SEPTIN1: variants seen among roughly 807,000 people sequenced by gnomAD.
SEPTIN1 encodes septin-1.
SEPTIN1 carries 52 observed loss-of-function variants against 50.7 expected under a neutral mutation model. The observed-to-expected ratio is 1.03, with a 90% confidence interval of 0.82 to 1.29. SEPTIN1 has a LOEUF of 1.29. Among genes scored for constraint, SEPTIN1 ranks in the 50% most tolerant of loss-of-function variants. The probability of loss-of-function intolerance (pLI) is 0.00; values close to 1 mark genes in which losing one functional copy is unlikely to be tolerated. For synonymous variants in SEPTIN1, 204 were observed against 189.1 expected (o/e 1.08, Z -0.65); for missense variants, 455 against 490.7 (o/e 0.93, Z 0.69).
rs2049856287 is a variant in SEPTIN1 at position 30,382,028 on chromosome 16, G to A, written c.196+65C>T. ...CAGTCAACTACCTGAGTCCCCAGAT[G>A]GAAAAGACTAGGGTGTAACCTGGGG... On this transcript the variant is annotated intron_variant, in intron 3 of 10. Coordinates refer to ENST00000321367, the MANE Select transcript of SEPTIN1 (RefSeq NM_001365977.2). This position sits in a 1 kb window ranked among gnomAD's most constrained non-coding sequence, Gnocchi z 4.8. 6.3e-7 allele frequency: 1 copy of A among 1,594,288 alleles called. No homozygotes were observed. The highest frequency in any genetic ancestry group is 1.1e-5 in the South Asian group (1 of 89,918).
At position 30,378,311 on chromosome 16, in the gene SEPTIN1, C is replaced by T; in HGVS notation, c.*123G>A. 8 of 977,362 alleles carry T rather than the reference C, an allele frequency of 8.2e-6. No individual in the cohort carries two copies. In the South Asian group the frequency reaches 9.8e-5, roughly 12 times the overall value. 60.5% of individuals were successfully genotyped at this position (977,362 alleles called of 1,614,324 possible). On this transcript the variant is annotated 3_prime_UTR_variant, in exon 11 of 11. Transcript: ENST00000321367. ...CGGACTCAGGCTGGGAGAACCTCCC[C>T]CTAGCCCGCGCGAGGGCGGCACCCG...
At chr16:30,378,741 C>A (rs1372443398) in intron 9 of SEPTIN1, 41 bp from the exon 10 acceptor site, 2 of 1,579,300 alleles carry the variant, frequency 1.3e-6, no homozygotes, top group Non-Finnish European at 8.6e-7. Flanking sequence ...AGGAGCGGGA[C>A]CTGAGGTTGT....
Position 30,378,183 on chromosome 16 carries a change from A to AG in SEPTIN1, c.*250dup. Reference sequence around the variant, plus strand: ...ATTGAAGACAGAGTCTGGGAGAAGAAGGGGGACTCCGGAAGACAGTGATGC... The same window carrying AG: ...ATTGAAGACAGAGTCTGGGAGAAGAAGGGGGGACTCCGGAAGACAGTGATGC... On this transcript the variant is annotated 3_prime_UTR_variant, in exon 11 of 11. Coordinates refer to ENST00000321367, the MANE Select transcript of SEPTIN1 (RefSeq NM_001365977.2). 1 of 702,362 alleles carries AG rather than the reference A, an allele frequency of 1.4e-6. No individual in the cohort carries two copies. The highest frequency in any genetic ancestry group is 1.5e-5 in the South Asian group (1 of 66,196). The allele number at this position is 702,362 out of a possible 1,614,324, so 43.5% of individuals were successfully genotyped here. A position where few individuals can be genotyped will look rare whatever the true frequency, so the allele number is the denominator to read the frequency against.
chr16:30,380,450 C>T (rs1427038013), intron 6 of SEPTIN1: 1 of 158,926 alleles, frequency 6.3e-6, no homozygotes, highest in African/African-American at 2.4e-5. Context: ...TACAAGTGCA[C>T]ACCACCACAC....
upstream of SEPTIN1, chr16:30,382,725 G>C: frequency 6.5e-7 from 1 of 1,536,074 alleles, no homozygotes; most frequent in South Asian, 1.2e-5. This position sits in a 1 kb window ranked among gnomAD's most constrained non-coding sequence, Gnocchi z 4.8. Flanking sequence ...CCCATCACCT[G>C]TCTACGTACC....
rs369058437 is a variant in SEPTIN1 at position 30,382,539 on chromosome 16, C to T, written c.4G>A (p.Ala2Thr). 27 of 1,594,052 alleles carry T rather than the reference C, an allele frequency of 1.7e-5. No homozygotes were observed. Among genetic ancestry groups the T allele is most frequent in the African/African-American group, 2.7e-5 (2 of 74,724 alleles). Residue 2 changes from alanine (A) to threonine (T), a missense_variant, in exon 1 of 11, where the codon GCT becomes ACT. By Grantham distance (58) the Ala-to-Thr change is moderately conservative. Coordinates refer to ENST00000321367, the MANE Select transcript of SEPTIN1 (RefSeq NM_001365977.2). This position sits in a 1 kb window ranked among gnomAD's most constrained non-coding sequence, Gnocchi z 4.8. ...TAAGGACTCACCATGACTCCGCCAG[C>T]CATCACTGCACCTGCCGTCTCTCCC... MAGGVMDKEYVG... is the reference protein window; with the variant it reads MTGGVMDKEYVG...
chr16:30,378,794 T>C, intron 9 of SEPTIN1, 94 bp from the exon 10 acceptor site: 1 of 1,271,098 alleles, frequency 7.9e-7, no homozygotes, highest in Non-Finnish European at 1.1e-6. Flanking sequence ...GGTTGGGGTC[T>C]AGGAGGCGGA....
rs776548030 is a variant in SEPTIN1 at position 30,381,233 on chromosome 16, A to G, written c.467T>C (p.Leu156Pro). 26 of 1,613,908 alleles carry G rather than the reference A, an allele frequency of 1.6e-5. 1 individual carries two copies. In the African/African-American group the frequency reaches 3.5e-4, roughly 22 times the overall value. ...ISPFGRGLRP[L>P]DVAFLRAVHE... ...TACTGCCCGGAGGAAGGCCACATCT[A>G]GGGGCCGGAGCCTGCACCCAGGGAT... The change falls in exon 6 of 11, where the codon CTA (leucine) becomes CCA (proline). Residue 156 changes from leucine to proline, a missense_variant. Transcript: ENST00000321367. This position sits in a 1 kb window ranked among gnomAD's most constrained non-coding sequence, Gnocchi z 4.3.
intron 8 of SEPTIN1, 31 bp from the exon 9 acceptor site, chr16:30,379,214 G>T (rs371286686): frequency 6.2e-7 from 1 of 1,612,044 alleles, no homozygotes; most frequent in Non-Finnish European, 8.5e-7. Context: ...ACCAGCGAAC[G>T]TCAGGGAGTT....
At position 30,381,551 on chromosome 16, in the gene SEPTIN1, G is replaced by A; in HGVS notation, c.321-78C>T. ...GGCAAGGCTAGCCAGGACTGTGGGA[G>A]TAGAATGTCATTTCTTTGGCTCCCT... is the stretch of plus-strand genomic sequence containing the variant. On this transcript the variant is annotated intron_variant, in intron 4 of 10. Coordinates refer to ENST00000321367, the MANE Select transcript of SEPTIN1 (RefSeq NM_001365977.2). The surrounding 1 kb of genome is among the most constrained non-coding windows in gnomAD (Gnocchi z 4.3). 3.8e-6 allele frequency: 6 copies of A among 1,562,016 alleles called. No homozygotes were observed. The highest frequency in any genetic ancestry group is 5.3e-6 in the Non-Finnish European group (6 of 1,138,684).
chr16:30,378,429 T>G lies in SEPTIN1; in HGVS notation c.*5A>C, dbSNP rs753650630. 3.8e-6 allele frequency: 6 copies of G among 1,564,950 alleles called. No homozygotes were observed. The highest frequency in any genetic ancestry group is 2.8e-5 in the African/African-American group (2 of 72,572). On this transcript the variant is annotated 3_prime_UTR_variant, in exon 11 of 11. Transcript: ENST00000321367. ...AGCCGAGGTAAGGCCGGGCGGGGCG[T>G]GGCCTCAGAGGGCGTCTGACTGCTC...
chr16:30,378,488 C>T lies in SEPTIN1; in HGVS notation c.1065G>A (p.Met355Ile), dbSNP rs1489810318. ...CCTGGCTCTGCTGCATTTGGGCCTG[C>T]ATCTTCTCCAGCATCTCTTGCATGC... ...LRRMQEMLEKMQAQMQQSQAQ... is the reference protein window; with the variant it reads ...LRRMQEMLEKIQAQMQQSQAQ... The change falls in exon 11 of 11, where the codon ATG becomes ATA. Residue 355 changes from methionine to isoleucine, a missense_variant. Physicochemically the swap from Met to Ile is conservative, Grantham distance 10. Coordinates refer to ENST00000321367, the MANE Select transcript of SEPTIN1 (RefSeq NM_001365977.2). The T allele has an allele frequency of 1.3e-6, 2 of 1,577,192 alleles. No homozygotes were observed. Among genetic ancestry groups the T allele is most frequent in the Admixed American group, 1.9e-5 (1 of 53,448 alleles).
At position 30,382,558 on chromosome 16, in the gene SEPTIN1, C is replaced by G. The variant is rs776208060; in HGVS notation, c.-16G>C. The G allele has an allele frequency of 6.3e-7, 1 of 1,587,580 alleles. No homozygotes were observed. The highest frequency in any genetic ancestry group is 1.1e-5 in the South Asian group (1 of 87,310). ...CGCCAGCCATCACTGCACCTGCCGT[C>G]TCTCCCCACTTCCTCTGGTGGGGCA... is the stretch of plus-strand genomic sequence containing the variant. On this transcript the variant is annotated 5_prime_UTR_variant, in exon 1 of 11. Coordinates refer to ENST00000321367, the MANE Select transcript of SEPTIN1 (RefSeq NM_001365977.2). This position sits in a 1 kb window ranked among gnomAD's most constrained non-coding sequence, Gnocchi z 4.8.
At chr16:30,379,273 G>C in intron 8 of SEPTIN1, 90 bp from the exon 9 acceptor site, 1 of 1,539,600 alleles carries the variant, frequency 6.5e-7, no homozygotes, top group Non-Finnish European at 8.9e-7. Context: ...AAGTCCTGCT[G>C]CCACTCTAGC....
In SEPTIN1 at chr16:30,379,003, C is replaced by T. The variant is rs927924889; in HGVS notation, c.941+15G>A. 3 of 1,610,138 alleles carry T rather than the reference C, an allele frequency of 1.9e-6. No homozygotes were observed. The highest frequency in any genetic ancestry group is 3.3e-5 in the Admixed American group (2 of 59,770). ...GGACCTTGGAGGCTCTGATACTGTC[C>T]GCCCCGGGTCTCACCTGCGGCTGGC... is the stretch of plus-strand genomic sequence containing the variant. On this transcript the variant is annotated intron_variant, in intron 9 of 10. Transcript: ENST00000321367.
At chr16:30,378,736 C>A (rs1038534122) in intron 9 of SEPTIN1, 36 bp from the exon 10 acceptor site, 3 of 1,581,082 alleles carry the variant, frequency 1.9e-6, no homozygotes, top group South Asian at 1.1e-5. Context: ...GAATCAGGAG[C>A]GGGACCTGAG....
At chr16:30,378,554 C>T (rs751012090) in intron 10 of SEPTIN1, 34 bp from the exon 11 acceptor site, 2 of 1,602,788 alleles carry the variant, frequency 1.2e-6, no homozygotes, top group Non-Finnish European at 1.7e-6. Context: ...GGTGACCTGG[C>T]GAAGCCAGAG....
chr16:30,380,699 G>C (rs958269993), intron 6 of SEPTIN1: 1 of 176,796 alleles, frequency 5.7e-6, no homozygotes, highest in African/African-American at 2.4e-5. Flanking sequence ...GCGCCTACAA[G>C]TTCGAGGCTG....
chr16:30,381,388 C>A lies in SEPTIN1; in HGVS notation c.406G>T (p.Asp136Tyr). ...TAGAGGCAGCAGTGGACTCGGGAGT[C>A]CTGGATGTTCTTCCGGTTCAGGCCA... ...ESGLNRKNIQDSRVHCCLYFI... is the reference protein window; with the variant it reads ...ESGLNRKNIQYSRVHCCLYFI... The change falls in exon 5 of 11, where the codon GAC becomes TAC. Residue 136 changes from aspartate to tyrosine, a missense_variant. Asp to Tyr is a radical substitution (Grantham distance 160, BLOSUM62 -3). Coordinates refer to ENST00000321367, the MANE Select transcript of SEPTIN1 (RefSeq NM_001365977.2). The surrounding 1 kb of genome is among the most constrained non-coding windows in gnomAD (Gnocchi z 4.3). The A allele has an allele frequency of 6.2e-7, 1 of 1,613,562 alleles. No homozygotes were observed. The highest frequency in any genetic ancestry group is 2.2e-5 in the East Asian group (1 of 44,850).
Sources: allele counts gnomAD v4.1 joint callset, GRCh38; gene constraint gnomAD v4.1.1; non-coding constraint Gnocchi (gnomAD v3.1); transcripts MANE v1.5; gene names NCBI Gene and HGNC (gene_info 2026-07-23, HGNC 2026-07-21).